TMEM135: variants seen among roughly 807,000 people sequenced by gnomAD.
The protein encoded by TMEM135 is transmembrane protein 135, also known as peroxisomal membrane protein 52.
Under a neutral mutation model 60.3 loss-of-function variants are expected in TMEM135, and 30 were observed. That is an observed-to-expected ratio of 0.50 (90% CI 0.37 to 0.68). The LOEUF is 0.68. Among genes scored for constraint, TMEM135 ranks in the 30% least tolerant of loss-of-function variants. TMEM135 has a pLI of 0.00. For missense variants in TMEM135, 468 were observed against 548.8 expected (o/e 0.85, Z 1.47); for synonymous variants, 190 against 186.7 (o/e 1.02, Z -0.14).
chr11:87,157,319 GTTT>G lies in TMEM135; in HGVS notation c.397-12_397-10del. 8 of 1,334,796 alleles carry G rather than the reference GTTT, an allele frequency of 6.0e-6. No homozygotes were observed. Among genetic ancestry groups the G allele is most frequent in the South Asian group, 3.8e-5 (3 of 78,632 alleles). 82.7% of individuals were successfully genotyped at this position (1,334,796 alleles called of 1,614,324 possible). On this transcript the variant is annotated intron_variant, in intron 4 of 14. Coordinates refer to ENST00000305494, the MANE Select transcript of TMEM135 (RefSeq NM_022918.4). ...AGATTGTAGATCATATATTTTTGCT[GTTT>G]TTTTTTTTTAATTTACAGGCCACAG...
chr11:87,184,296 C>T (rs1939596852), intron 5 of TMEM135, among the ~76,000 whole-genome samples: 2 of 152,068 alleles, frequency 1.3e-5, no homozygotes, highest in African/African-American at 4.8e-5. Flanking sequence ...TTTAATATTA[C>T]CTGAATAATT....
intron 3 of TMEM135, among the ~76,000 whole-genome samples, chr11:87,081,345 G>C (rs904250844): frequency 1.2e-4 from 17 of 147,542 alleles, no homozygotes; most frequent in African/African-American, 4.0e-4. Context: ...TTTTTTTTTC[G>C]TTATTTTCTT....
intron 5 of TMEM135, among the ~76,000 whole-genome samples, chr11:87,218,444 T>G (rs1940548257): frequency 6.6e-6 from 1 of 152,204 alleles, no homozygotes; most frequent in South Asian, 2.1e-4. Context: ...CTATCCTCAC[T>G]AATGATTCTT....
chr11:87,207,097 A>T (rs1377634195), intron 5 of TMEM135, among the ~76,000 whole-genome samples: 1 of 152,162 alleles, frequency 6.6e-6, no homozygotes, highest in Non-Finnish European at 1.5e-5. Flanking sequence ...AAACTCATTG[A>T]TGATTAGTAC....
At chr11:87,197,268 AT>A (rs1434843393) in intron 5 of TMEM135, among the ~76,000 whole-genome samples, 1 of 152,084 alleles carries the variant, frequency 6.6e-6, no homozygotes, top group East Asian at 1.9e-4. Context: ...AGAAGGTGCA[AT>A]AGCTGGACGA....
chr11:87,287,703 A>C (rs186441843), intron 6 of TMEM135, among the ~76,000 whole-genome samples: 17 of 145,102 alleles, frequency 1.2e-4, no homozygotes, highest in African/African-American at 3.7e-4. Context: ...AAATAAATGT[A>C]TGTATGTATG....
At chr11:87,140,620 A>G (rs1408159074) in intron 4 of TMEM135, among the ~76,000 whole-genome samples, 1 of 152,196 alleles carries the variant, frequency 6.6e-6, no homozygotes, top group Non-Finnish European at 1.5e-5. Flanking sequence ...TGGTGTGGGC[A>G]TCTTTGGATG....
chr11:87,074,703 G>A (rs1286638325), intron 3 of TMEM135, among the ~76,000 whole-genome samples: 1 of 152,120 alleles, frequency 6.6e-6, no homozygotes, highest in African/African-American at 2.4e-5. Flanking sequence ...GAGCCATATG[G>A]AAACATGTTA....
chr11:87,158,420 C>T (rs181541225), intron 5 of TMEM135, among the ~76,000 whole-genome samples: 1 of 151,798 alleles, frequency 6.6e-6, no homozygotes, highest in Non-Finnish European at 1.5e-5. Context: ...AAAGTATGTA[C>T]ACTCTAAATA....
chr11:87,322,035 G>A lies in TMEM135; in HGVS notation c.*702G>A, dbSNP rs1330035346. ...CAGTGAACCTATGTACTAATGGCAAGTTAGGGGCAAATGGAAATGGACACA... is the reference window on the plus strand; with the variant it reads ...CAGTGAACCTATGTACTAATGGCAAATTAGGGGCAAATGGAAATGGACACA... On this transcript the variant is annotated 3_prime_UTR_variant, in exon 15 of 15. Transcript: ENST00000305494. The A allele has an allele frequency of 4.4e-6, 2 of 454,316 alleles. No individual in the cohort carries two copies. Among genetic ancestry groups the A allele is most frequent in the African/African-American group, 2.0e-5 (1 of 49,986 alleles). 28.1% of individuals were successfully genotyped at this position (454,316 alleles called of 1,614,324 possible). A position where few individuals can be genotyped will look rare whatever the true frequency, so the allele number is the denominator to read the frequency against.
At chr11:87,121,335 A>G (rs900870801) in intron 4 of TMEM135, 2 of 152,228 alleles carry the variant, frequency 1.3e-5, no homozygotes, top group Admixed American at 6.5e-5. Context: ...CCTGACAGAC[A>G]TAATCCTGTC....
chr11:87,273,558 C>T (rs944043571), intron 6 of TMEM135, among the ~76,000 whole-genome samples: 8 of 151,910 alleles, frequency 5.3e-5, no homozygotes, highest in African/African-American at 1.9e-4. Context: ...CACTTGGAAC[C>T]TGCACCTAGA....
intron 6 of TMEM135, among the ~76,000 whole-genome samples, chr11:87,256,866 C>T (rs1255903132): frequency 1.3e-5 from 2 of 152,040 alleles, no homozygotes; most frequent in Non-Finnish European, 2.9e-5. Context: ...CCCTCCTTTG[C>T]CCCTTTCTTT....
chr11:87,139,256 T>G (rs889335207), intron 4 of TMEM135, among the ~76,000 whole-genome samples: 1 of 152,096 alleles, frequency 6.6e-6, no homozygotes, highest in Non-Finnish European at 1.5e-5. Flanking sequence ...TACTTTTGGG[T>G]GGGACTGGGG....
At chr11:87,212,561 C>G (rs768646927) in intron 5 of TMEM135, among the ~76,000 whole-genome samples, 1 of 152,048 alleles carries the variant, frequency 6.6e-6, no homozygotes, top group Non-Finnish European at 1.5e-5. Context: ...GTGGCTCATG[C>G]CTATAATTCC....
intron 6 of TMEM135, among the ~76,000 whole-genome samples, chr11:87,294,932 C>T (rs1942323831): frequency 6.6e-6 from 1 of 151,948 alleles, no homozygotes; most frequent in Non-Finnish European, 1.5e-5. Flanking sequence ...TTGAATCTTC[C>T]CCAGCTGAAG....
At chr11:87,169,704 C>A (rs1244900088) in intron 5 of TMEM135, among the ~76,000 whole-genome samples, 1 of 152,112 alleles carries the variant, frequency 6.6e-6, no homozygotes, top group Non-Finnish European at 1.5e-5. Context: ...TTGTGGGTAA[C>A]CTGACCTTTC....
At chr11:87,144,313 C>CT (rs1480399320) in intron 4 of TMEM135, among the ~76,000 whole-genome samples, 5 of 151,898 alleles carry the variant, frequency 3.3e-5, no homozygotes, top group South Asian at 2.1e-4. Context: ...GGTTAGCATG[C>CT]TTTTTTTTCT....
chr11:87,303,887 G>T (rs1232087454), intron 8 of TMEM135, among the ~76,000 whole-genome samples: 2 of 152,186 alleles, frequency 1.3e-5, no homozygotes, highest in East Asian at 3.9e-4. Flanking sequence ...CGTCAGAACT[G>T]ATCAGGTCAT....
Sources: allele counts gnomAD v4.1 joint callset (sites outside exome capture counted in the v4.1 genomes callset), GRCh38; gene constraint gnomAD v4.1.1; transcripts MANE v1.5; gene names NCBI Gene and HGNC (gene_info 2026-07-23, HGNC 2026-07-21).